The following LRP6 variants were observed in gnomAD, a reference collection of about 807,000 sequenced individuals.
The protein encoded by LRP6 is low-density lipoprotein receptor-related protein 6.
LRP6 carries 43 observed loss-of-function variants against 184.1 expected under a neutral mutation model. The observed-to-expected ratio is 0.23, with a 90% CI of 0.18 to 0.30. The LOEUF is 0.30. Ranked by LOEUF, LRP6 falls within the 10% of genes least tolerant of loss-of-function variation. LRP6 has a pLI of 1.00. For synonymous variants in LRP6, 719 were observed against 684.9 expected (o/e 1.05, Z -0.78); for missense variants, 1,571 against 2,005.3 (o/e 0.78, Z 4.14).
intron 2 of LRP6, among the ~76,000 whole-genome samples, chr12:12,210,533 A>G (rs905139270): frequency 6.6e-6 from 1 of 152,238 alleles, no homozygotes; most frequent in African/African-American, 2.4e-5. Flanking sequence ...GCATATTAAC[A>G]GTCAAAGAAG....
At chr12:12,194,610 G>T (rs1277399904) in intron 3 of LRP6, among the ~76,000 whole-genome samples, 2 of 152,012 alleles carry the variant, frequency 1.3e-5, no homozygotes, top group East Asian at 3.9e-4. Flanking sequence ...TGTTTAACTG[G>T]TACATAATAA....
chr12:12,236,056 C>T (rs1455307183), intron 2 of LRP6, among the ~76,000 whole-genome samples: 2 of 152,054 alleles, frequency 1.3e-5, no homozygotes, highest in Non-Finnish European at 2.9e-5. Context: ...GAAACCCCGT[C>T]TCTACTGAAA....
intron 7 of LRP6, among the ~76,000 whole-genome samples, chr12:12,177,039 G>C (rs964567144): frequency 2.0e-5 from 3 of 151,706 alleles, no homozygotes; most frequent in African/African-American, 7.3e-5. Context: ...CTACAGACAG[G>C]GTTTCACCAT....
At chr12:12,189,836 G>A (rs1863566032) in intron 3 of LRP6, among the ~76,000 whole-genome samples, 1 of 151,616 alleles carries the variant, frequency 6.6e-6, no homozygotes. Context: ...TCTTTTCATA[G>A]CCATTCTTAA....
intron 3 of LRP6, among the ~76,000 whole-genome samples, chr12:12,188,224 G>A (rs199974983): frequency 2.8e-4 from 39 of 137,246 alleles, no homozygotes; most frequent in Non-Finnish European, 3.4e-4. Flanking sequence ...AAAAAAAAAA[G>A]AAAAAAAAAA....
At position 12,179,818 on chromosome 12, in the gene LRP6, T is replaced by C. The variant is rs1341448575; in HGVS notation, c.1537A>G (p.Lys513Glu). The change falls in exon 7 of 23, where the codon AAG becomes GAG. Residue 513 changes from lysine to glutamate, a missense_variant. Transcript: ENST00000261349. ...AAAAGCAAAAAACAAACCTCAATCT[T>C]GTCTGTTTTGGCATCTCCCCAGTAT... ...KIYWGDAKTDKIEVMNTDGTG... is the reference protein window; with the variant it reads ...KIYWGDAKTDEIEVMNTDGTG... The C allele has an allele frequency of 1.2e-6, 2 of 1,613,774 alleles. No homozygotes were observed. The highest frequency in any genetic ancestry group is 2.7e-5 in the African/African-American group (2 of 75,042).
At chr12:12,240,541 C>A (rs1865037655) in intron 2 of LRP6, among the ~76,000 whole-genome samples, 1 of 152,070 alleles carries the variant, frequency 6.6e-6, no homozygotes, top group South Asian at 2.1e-4. Flanking sequence ...CACTGCACTC[C>A]AGCCTGGGCA....
intron 5 of LRP6, among the ~76,000 whole-genome samples, chr12:12,182,105 T>C (rs1316890380): frequency 1.3e-5 from 2 of 151,930 alleles, no homozygotes; most frequent in African/African-American, 2.4e-5. Flanking sequence ...TGGTTAAGAG[T>C]TGTGGATCCA....
chr12:12,148,058 A>G (rs987236337), intron 14 of LRP6, among the ~76,000 whole-genome samples: 9 of 150,060 alleles, frequency 6.0e-5, no homozygotes, highest in African/African-American at 2.2e-4. Context: ...ATAAATGTGT[A>G]TAGATAAAAA....
At chr12:12,201,545 G>C (rs1453301170) in intron 3 of LRP6, among the ~76,000 whole-genome samples, 1 of 151,938 alleles carries the variant, frequency 6.6e-6, no homozygotes, top group Non-Finnish European at 1.5e-5. Flanking sequence ...GCTTACTCTC[G>C]CATAGACAGT....
chr12:12,136,589 T>G (rs1292467590), intron 16 of LRP6, among the ~76,000 whole-genome samples: 2 of 152,250 alleles, frequency 1.3e-5, no homozygotes, highest in African/African-American at 4.8e-5. Flanking sequence ...AAAAGCAACT[T>G]GACATCTGTC....
At chr12:12,138,987 T>C (rs1263478866) in intron 15 of LRP6, 4 of 1,341,454 alleles carry the variant, frequency 3.0e-6, no homozygotes, top group Admixed American at 2.0e-5. Flanking sequence ...AAGGTAAGAA[T>C]TATTTCTAAT....
intron 15 of LRP6, among the ~76,000 whole-genome samples, chr12:12,142,402 G>A (rs775157705): frequency 1.3e-5 from 2 of 152,108 alleles, no homozygotes. Context: ...TAAGCTACTG[G>A]AACCAACAAG....
Position 12,181,425 on chromosome 12 carries a change from A to T in LRP6, c.991T>A (p.Leu331Met), listed in dbSNP as rs751325508. ...AAGTCTGTCCTTCGAGCTAAAAGCA[A>T]TAATTCTGTGGCACCTAGAACAACA... ...KTCKDGATELLLLARRTDLRR... is the reference protein window; with the variant it reads ...KTCKDGATELMLLARRTDLRR... Residue 331 changes from leucine to methionine, a missense_variant, in exon 6 of 23, where the codon TTG becomes ATG. By Grantham distance (15) the Leu-to-Met change is conservative. Around this residue, in one of 4 missense-constraint regions of LRP6, gnomAD observed 640 missense variants for 851.9 expected, o/e 0.75. Coordinates refer to ENST00000261349, the MANE Select transcript of LRP6 (RefSeq NM_002336.3). 42 of 1,297,832 alleles carry T rather than the reference A, an allele frequency of 3.2e-5. No individual in the cohort carries two copies. In the Admixed American group the frequency reaches 6.7e-4, roughly 21 times the overall value. 80.4% of individuals were successfully genotyped at this position (1,297,832 alleles called of 1,614,324 possible). A position where few individuals can be genotyped will look rare whatever the true frequency, so the allele number is the denominator to read the frequency against.
At chr12:12,187,962 A>G (rs1319883545) in intron 3 of LRP6, among the ~76,000 whole-genome samples, 1 of 152,164 alleles carries the variant, frequency 6.6e-6, no homozygotes, top group Admixed American at 6.5e-5. Context: ...CTGTAATCCC[A>G]GCACTTTGGG....
intron 3 of LRP6, among the ~76,000 whole-genome samples, chr12:12,191,975 A>C (rs1591931485): frequency 6.6e-6 from 1 of 152,130 alleles, no homozygotes; most frequent in East Asian, 1.9e-4. Context: ...CCCTCAGGAA[A>C]AATGAAGAAT....
At chr12:12,206,499 C>T (rs1183356048) in intron 2 of LRP6, among the ~76,000 whole-genome samples, 3 of 146,948 alleles carry the variant, frequency 2.0e-5, no homozygotes, top group Admixed American at 6.9e-5. Context: ...GCGGAGATAG[C>T]GCCACTGCAT....
chr12:12,131,830 T>A lies in LRP6; in HGVS notation c.3961A>T (p.Asn1321Tyr). The A allele has an allele frequency of 6.2e-7, 1 of 1,614,042 alleles. No individual in the cohort carries two copies. The highest frequency in any genetic ancestry group is 8.5e-7 in the Non-Finnish European group (1 of 1,179,906). Residue 1321 changes from asparagine to tyrosine, a missense_variant, in exon 18 of 23, where the codon AAC becomes TAC. By Grantham distance (143) the Asn-to-Tyr change is moderately radical (BLOSUM62 -2). Around this residue, in one of 4 missense-constraint regions of LRP6, gnomAD observed 763 missense variants for 859.5 expected, o/e 0.89. Coordinates refer to ENST00000261349, the MANE Select transcript of LRP6 (RefSeq NM_002336.3). ...ANCQDKSDEK[N>Y]CEVLCLIDQF... ...GAAGAATTCTGGATACCTTCACAGT[T>A]CTTCTCATCTGATTTGTCCTGGCAG...
chr12:12,203,635 G>A (rs1311535126), intron 2 of LRP6, among the ~76,000 whole-genome samples: 1 of 152,102 alleles, frequency 6.6e-6, no homozygotes, highest in Non-Finnish European at 1.5e-5. Context: ...CATGGTGGTG[G>A]TGTGTGCCTG....
Sources: allele counts gnomAD v4.1 joint callset (sites outside exome capture counted in the v4.1 genomes callset), GRCh38; gene constraint gnomAD v4.1.1; regional missense constraint gnomAD v4.1.1; transcripts MANE v1.5; gene names NCBI Gene and HGNC (gene_info 2026-07-23, HGNC 2026-07-21).